Variants in NTAQ1 observed in about 807,000 individuals in gnomAD.
NTAQ1 encodes protein N-terminal glutamine amidohydrolase.
In NTAQ1, 21 loss-of-function variants were observed where a neutral mutation model predicts 28.2. That is an observed-to-expected ratio of 0.74 (90% confidence interval 0.53 to 1.07). The LOEUF is 1.07. Among genes scored for constraint, NTAQ1 ranks in the 50% least tolerant of loss-of-function variants. NTAQ1 has a pLI of 0.00. For synonymous variants in NTAQ1, 105 were observed against 90.0 expected, an observed-to-expected ratio of 1.17 and a Z score of -0.94; for missense variants, 264 against 256.6, an observed-to-expected ratio of 1.03 and a Z score of -0.20.
At chr8:123,449,909 A>ATCTG (rs1460283962), downstream of NTAQ1, among the ~76,000 whole-genome samples, 1 of 42,418 alleles carries the variant, frequency 2.4e-5, no homozygotes, top group Non-Finnish European at 4.4e-5. Context: ...CCATATGTAT[A>ATCTG]TATGTGTGTG....
downstream of NTAQ1, among the ~76,000 whole-genome samples, chr8:123,451,860 G>T (rs1815506171): frequency 6.6e-6 from 1 of 152,212 alleles, no homozygotes; most frequent in African/African-American, 2.4e-5. Flanking sequence ...TGCTGCTAAA[G>T]TCTTGTGCTT....
In NTAQ1 at chr8:123,466,896, C is replaced by A. The variant is rs531546587; in HGVS notation, c.373-183C>A. 1.1e-3 allele frequency among the ~76,000 whole-genome samples: 171 copies of A among 152,216 alleles called. 1 individual carries two copies. The highest frequency in any genetic ancestry group is 3.9e-3 in the Admixed American group (60 of 15,298). On this transcript the variant is annotated intron_variant, in intron 6 of 6. Coordinates refer to the NTAQ1 transcript ENST00000650311. ...TTTGATTATGTTACCCTATCAGTTA[C>A]ATAAATAACTTGGAAATAAACATCT...
chr8:123,471,456 A>G (rs1280105102), downstream of NTAQ1, among the ~76,000 whole-genome samples: 37 of 152,224 alleles, frequency 2.4e-4, no homozygotes, highest in Admixed American at 2.4e-3. Flanking sequence ...ATTTATTATA[A>G]GGAGTTGGCT....
At chr8:123,460,576 A>G (rs1211267903) in intron 6 of NTAQ1, among the ~76,000 whole-genome samples, 1 of 152,224 alleles carries the variant, frequency 6.6e-6, no homozygotes, top group Non-Finnish European at 1.5e-5. Flanking sequence ...TTACTACTGG[A>G]CAGCCTTGAA....
intron 6 of NTAQ1, among the ~76,000 whole-genome samples, chr8:123,462,896 A>G (rs1009567740): frequency 5.9e-5 from 9 of 152,222 alleles, no homozygotes; most frequent in Admixed American, 4.6e-4. Flanking sequence ...AAGATAAATT[A>G]AAAAGTCTGA....
In NTAQ1 at chr8:123,466,227, G is replaced by A. The variant is rs913057543; in HGVS notation, c.373-852G>A. ...CCCAAGTGAGAGGCAGCTTTATATAGCTGCAAAGCCCAGTGAGCAGGAAGT... is the reference window on the plus strand; with the variant it reads ...CCCAAGTGAGAGGCAGCTTTATATAACTGCAAAGCCCAGTGAGCAGGAAGT... On this transcript the variant is annotated intron_variant, in intron 6 of 6. Transcript: ENST00000650311. Among the ~76,000 whole-genome samples the A allele has an allele frequency of 1.7e-4, 26 of 152,252 alleles. 1 individual carries two copies. Among genetic ancestry groups the A allele is most frequent in the African/African-American group, 6.3e-4 (26 of 41,564 alleles).
rs113552624 is a variant in NTAQ1, at chr8:123,438,191, A to G, written c.508+857A>G. The stretch of plus-strand genomic sequence containing the variant: ...AAGAAGATAAAGGGTCCTTCACCCT[A>G]TTACTATTGTTTGGCATTCATATGA... On this transcript the variant is annotated intron_variant, in intron 5 of 5. Transcript: ENST00000287387. The G allele has an allele frequency of 1.1e-3, 782 of 702,078 alleles. 5 individuals are homozygous for G. The African/African-American group carries it at 0.012, about 11-fold the overall frequency. 43.5% of individuals were successfully genotyped at this position (702,078 alleles called of 1,614,324 possible). A position where few individuals can be genotyped will look rare whatever the true frequency, so the allele number is the denominator to read the frequency against.
chr8:123,425,387 C>G (rs768531499), intron 1 of NTAQ1, among the ~76,000 whole-genome samples: 63 of 151,946 alleles, frequency 4.1e-4, no homozygotes, highest in Non-Finnish European at 8.2e-4. Flanking sequence ...CCACCATGCC[C>G]GGCCCAGTCA....
downstream of NTAQ1, among the ~76,000 whole-genome samples, chr8:123,449,112 G>T (rs1815389500): frequency 6.6e-6 from 1 of 152,182 alleles, no homozygotes; most frequent in Admixed American, 6.5e-5. Context: ...ATGTGGCTCT[G>T]TGGGAGCCTT....
chr8:123,463,438 A>G (rs1209368670), intron 6 of NTAQ1, among the ~76,000 whole-genome samples: 3 of 152,204 alleles, frequency 2.0e-5, no homozygotes, highest in African/African-American at 4.8e-5. Flanking sequence ...TTTACCGTCT[A>G]TTGAATAACT....
chr8:123,435,003 C>T (rs1443893363), intron 3 of NTAQ1, among the ~76,000 whole-genome samples: 3 of 152,150 alleles, frequency 2.0e-5, no homozygotes, highest in African/African-American at 7.2e-5. Context: ...ATTGTTCTTA[C>T]CTCAGGATTT....
At chr8:123,443,863 G>A (rs541951380), downstream of NTAQ1, among the ~76,000 whole-genome samples, 2 of 152,120 alleles carry the variant, frequency 1.3e-5, no homozygotes, top group African/African-American at 2.4e-5. Flanking sequence ...GTGAGCCACT[G>A]CGCCTGGCCT....
intron 6 of NTAQ1, among the ~76,000 whole-genome samples, chr8:123,458,765 C>T (rs1012666587): frequency 4.6e-5 from 7 of 151,706 alleles, no homozygotes; most frequent in East Asian, 2.0e-4. Flanking sequence ...GGACTACAGG[C>T]GCCCGCCAGC....
intron 1 of NTAQ1, among the ~76,000 whole-genome samples, chr8:123,420,855 T>G (rs1263718805): frequency 6.6e-6 from 1 of 152,074 alleles, no homozygotes; most frequent in Non-Finnish European, 1.5e-5. Context: ...AGTGGTGCAA[T>G]CTAGGCTCGC....
At chr8:123,462,865 C>G (rs566912308) in intron 6 of NTAQ1, among the ~76,000 whole-genome samples, 4 of 152,336 alleles carry the variant, frequency 2.6e-5, no homozygotes, top group African/African-American at 9.6e-5. Flanking sequence ...AGGAACTACA[C>G]TGTTGGTTAG....
At chr8:123,460,094 C>G (rs1815776404) in intron 6 of NTAQ1, among the ~76,000 whole-genome samples, 1 of 152,098 alleles carries the variant, frequency 6.6e-6, no homozygotes, top group African/African-American at 2.4e-5. Flanking sequence ...GCCACTGCGC[C>G]CAGCCCAATG....
intron 6 of NTAQ1, among the ~76,000 whole-genome samples, chr8:123,465,730 C>T (rs1416280334): frequency 2.0e-5 from 3 of 151,648 alleles, no homozygotes; most frequent in East Asian, 1.9e-4. Flanking sequence ...TACAGGCGCC[C>T]GCCACCATGC....
chr8:123,469,419 G>T (rs1437470904), exon 7 of NTAQ1, among the ~76,000 whole-genome samples: 4 of 152,170 alleles, frequency 2.6e-5, no homozygotes, highest in Non-Finnish European at 4.4e-5. Context: ...TTCATCCTGT[G>T]AAACAGCCCT....
chr8:123,432,825 C>A (rs1170266794), intron 3 of NTAQ1, among the ~76,000 whole-genome samples: 1 of 151,764 alleles, frequency 6.6e-6, no homozygotes, highest in South Asian at 2.1e-4. Context: ...GAATTACAGG[C>A]ATGTGGCACA....
Sources: allele counts gnomAD v4.1 joint callset (sites outside exome capture counted in the v4.1 genomes callset), GRCh38; gene constraint gnomAD v4.1.1; transcripts MANE v1.5; gene names NCBI Gene and HGNC (gene_info 2026-07-23, HGNC 2026-07-21).